The following TMEM223 variants were observed in gnomAD, a reference collection of about 807,000 sequenced individuals.
TMEM223 encodes transmembrane protein 223.
Under a neutral mutation model 14.1 loss-of-function variants are expected in TMEM223, and 14 were observed. The ratio of observed to expected loss-of-function variants is 0.99; its 90% CI spans 0.66 to 1.55. The LOEUF (loss-of-function observed/expected upper bound fraction) is 1.55. TMEM223 is among the 40% of genes most tolerant of loss of function. TMEM223 has a pLI of 0.00. For synonymous variants in TMEM223, 145 were observed against 120.5 expected (o/e 1.20, Z -1.33); for missense variants, 346 against 269.9 (o/e 1.28, Z -1.97).
chr11:62,775,900 C>T (rs775897813), intron 1 of TMEM223: 18 of 1,613,234 alleles, frequency 1.1e-5, no homozygotes, highest in African/African-American at 1.1e-4. Context: ...TCGCAGAGGA[C>T]GTGTGCTATC....
At chr11:62,783,918 C>G (rs1395668793), downstream of TMEM223, among the ~76,000 whole-genome samples, 1 of 149,180 alleles carries the variant, frequency 6.7e-6, no homozygotes, top group African/African-American at 2.5e-5. Context: ...CTTTTGTATA[C>G]CTGGAATAAG....
At chr11:62,781,555 TC>T (rs1184390833) in intron 1 of TMEM223, among the ~76,000 whole-genome samples, 1 of 150,794 alleles carries the variant, frequency 6.6e-6, no homozygotes, top group Non-Finnish European at 1.5e-5. Flanking sequence ...GCGCCTGTAG[TC>T]CCAGCTACTC....
chr11:62,775,617 T>G, intron 1 of TMEM223: 1 of 771,662 alleles, frequency 1.3e-6, no homozygotes, highest in Non-Finnish European at 2.0e-6. Flanking sequence ...TGTTTCCTTC[T>G]CTGAGCCTCA....
downstream of TMEM223, among the ~76,000 whole-genome samples, chr11:62,783,291 G>A (rs1402190328): frequency 6.6e-6 from 1 of 152,102 alleles, no homozygotes; most frequent in East Asian, 1.9e-4. Flanking sequence ...AACCATCCTG[G>A]CTAACACGGT....
chr11:62,786,804 C>G (rs2084282656), downstream of TMEM223: 4 of 1,609,112 alleles, frequency 2.5e-6, no homozygotes, highest in Non-Finnish European at 3.4e-6. Flanking sequence ...TTGGCACCGG[C>G]CAGCCTGCAC....
exon 3 of TMEM223, chr11:62,772,057 CCTACT>C: frequency 4.4e-6 from 2 of 455,864 alleles, no homozygotes; most frequent in South Asian, 3.1e-5. Flanking sequence ...GCTCCCCCTC[CCTACT>C]TACTCAGTGC....
downstream of TMEM223, chr11:62,786,163 A>G (rs2084272964): frequency 2.0e-6 from 3 of 1,467,098 alleles, no homozygotes; most frequent in African/African-American, 4.2e-5. Context: ...AGCCCTGTCT[A>G]GGATCAGAGA....
chr11:62,787,793 G>C, downstream of TMEM223: 1 of 676,456 alleles, frequency 1.5e-6, no homozygotes, highest in Non-Finnish European at 2.7e-6. Flanking sequence ...GGGTTTCGTG[G>C]CTCCTGCTGC....
chr11:62,789,439 G>A (rs1263832079), downstream of TMEM223: 2 of 1,613,690 alleles, frequency 1.2e-6, no homozygotes, highest in South Asian at 1.1e-5. Context: ...AATGGGAGAG[G>A]GAGGGAAGCC....
downstream of TMEM223, chr11:62,787,435 G>A (rs374217510): frequency 1.1e-4 from 172 of 1,565,804 alleles, 1 homozygote; most frequent in Middle Eastern, 1.5e-3. Context: ...GGGCGCCATG[G>A]CGCTGTCCTG....
Position 62,790,229 on chromosome 11 carries a change from A to G in TMEM223, c.*394T>C, listed in dbSNP as rs1202661763. ...AGCTGTTTTTGTACCAAAATATTAT[A>G]TTACTGTCTTCATCTTAGTAGTGAG... On this transcript the variant is annotated 3_prime_UTR_variant, in exon 2 of 2. Coordinates refer to ENST00000307366, the MANE Select transcript of TMEM223 (RefSeq NM_001080501.3). 1.5e-6 allele frequency: 1 copy of G among 667,070 alleles called. No homozygotes were observed. Among genetic ancestry groups the G allele is most frequent in the Non-Finnish European group, 2.4e-6 (1 of 411,918 alleles). The allele number at this position is 667,070 out of a possible 1,614,324, so 41.3% of individuals were successfully genotyped here.
chr11:62,779,952 C>CCATATATA (rs1332185092), intron 1 of TMEM223, among the ~76,000 whole-genome samples: 1 of 100,062 alleles, frequency 1.0e-5, no homozygotes, highest in African/African-American at 4.5e-5. Flanking sequence ...AGGCGTGAGC[C>CCATATATA]TATATATATA....
chr11:62,782,133 C>A, intron 1 of TMEM223: 1 of 1,610,680 alleles, frequency 6.2e-7, no homozygotes, highest in Non-Finnish European at 8.5e-7. Flanking sequence ...TAAGCCATGA[C>A]CTGGAGCAAC....
chr11:62,790,995 G>T, intron 1 of TMEM223, 80 bp from the exon 2 acceptor site: 1 of 1,393,676 alleles, frequency 7.2e-7, no homozygotes, highest in Non-Finnish European at 9.5e-7. Context: ...CTCTGAATAA[G>T]AAATTTGTGG....
At chr11:62,789,919 G>C (rs2084338464), downstream of TMEM223, 1 of 1,614,132 alleles carries the variant, frequency 6.2e-7, no homozygotes, top group Non-Finnish European at 8.5e-7. Flanking sequence ...ATTGTGGTGT[G>C]TGGTCTTGGT....
downstream of TMEM223, chr11:62,789,618 A>C (rs915093023): frequency 1.9e-6 from 3 of 1,547,302 alleles, no homozygotes; most frequent in Admixed American, 6.2e-5. Flanking sequence ...GAAGCCCAGA[A>C]AATTCCATGG....
intron 1 of TMEM223, among the ~76,000 whole-genome samples, chr11:62,777,014 G>A (rs2084193085): frequency 6.6e-6 from 1 of 152,064 alleles, no homozygotes; most frequent in Non-Finnish European, 1.5e-5. Context: ...GGCCGTGGCG[G>A]TGGGCGCCTG....
chr11:62,777,362 A>G (rs898378431), intron 1 of TMEM223, among the ~76,000 whole-genome samples: 5 of 152,174 alleles, frequency 3.3e-5, no homozygotes, highest in Non-Finnish European at 5.9e-5. Flanking sequence ...AAACGCACAC[A>G]TAAGGGAAGC....
In TMEM223 at chr11:62,790,820, G is replaced by A. The variant is rs758700546; in HGVS notation, c.412C>T (p.His138Tyr). 1.8e-5 allele frequency: 29 copies of A among 1,605,524 alleles called. No individual in the cohort carries two copies. In the Admixed American group the frequency reaches 4.8e-4, roughly 27 times the overall value. Residue 138 changes from histidine to tyrosine, a missense_variant, in exon 2 of 2, where the codon CAT becomes TAT. Physicochemically the swap from His to Tyr is moderately conservative, Grantham distance 83. Transcript: ENST00000307366. ...AGGQQVTLTTHAPFGLGAHFT... is the reference protein window; with the variant it reads ...AGGQQVTLTTYAPFGLGAHFT... ...TGGGCCCCCAAGCCAAAGGGGGCATGAGTGGTGAGGGTCACCTGCTGCCCT... is the reference window on the plus strand; with the variant it reads ...TGGGCCCCCAAGCCAAAGGGGGCATAAGTGGTGAGGGTCACCTGCTGCCCT...
Sources: allele counts gnomAD v4.1 joint callset (sites outside exome capture counted in the v4.1 genomes callset), GRCh38; gene constraint gnomAD v4.1.1; transcripts MANE v1.5; gene names NCBI Gene and HGNC (gene_info 2026-07-23, HGNC 2026-07-21).